Variants in TENM3 observed in about 807,000 individuals in gnomAD.
TENM3 encodes the protein teneurin transmembrane protein 3.
TENM3 carries 63 observed loss-of-function variants against 255.1 expected under a neutral mutation model. That is an observed-to-expected ratio of 0.25 (90% CI 0.20 to 0.30). TENM3 has a LOEUF of 0.30. Ranked by LOEUF, TENM3 falls within the 10% of genes least tolerant of loss-of-function variation. The probability of loss-of-function intolerance (pLI) is 1.00; values close to 1 mark genes in which losing one functional copy is unlikely to be tolerated. For synonymous variants in TENM3, 1,306 were observed against 1,322.3 expected (o/e 0.99, Z 0.27); for missense variants, 2,929 against 3,461.1 (o/e 0.85, Z 3.86).
At chr4:182,232,886 G>A (rs1434385997) in intron 1 of TENM3, among the ~76,000 whole-genome samples, 6 of 152,240 alleles carry the variant, frequency 3.9e-5, no homozygotes, top group African/African-American at 7.2e-5. Flanking sequence ...TTCCTGGCCC[G>A]ATGGAGCAGG....
At chr4:182,770,436 G>A (rs1764103734) in intron 22 of TENM3, among the ~76,000 whole-genome samples, 1 of 152,216 alleles carries the variant, frequency 6.6e-6, no homozygotes, top group East Asian at 1.9e-4. Context: ...CCGGGCCCCT[G>A]CACCCCGACA....
the TENM3 span, among the ~76,000 whole-genome samples, chr4:182,090,401 A>G: frequency 1.3e-5 from 2 of 152,138 alleles, no homozygotes; most frequent in Non-Finnish European, 2.9e-5. Flanking sequence ...AACAAAATGC[A>G]TTTTTTAAAA....
chr4:181,944,657 C>A, the TENM3 span, among the ~76,000 whole-genome samples: 1 of 152,160 alleles, frequency 6.6e-6, no homozygotes, highest in Admixed American at 6.5e-5. Flanking sequence ...AGCCACCGTG[C>A]CCCTCTCCAA....
At chr4:182,032,057 T>C in the TENM3 span, among the ~76,000 whole-genome samples, 1 of 152,192 alleles carries the variant, frequency 6.6e-6, no homozygotes, top group Non-Finnish European at 1.5e-5. Flanking sequence ...TTCTCTTGCC[T>C]GATTGCCCTA....
chr4:181,660,134 T>C, the TENM3 span, among the ~76,000 whole-genome samples: 1 of 152,182 alleles, frequency 6.6e-6, no homozygotes, highest in Non-Finnish European at 1.5e-5. Context: ...TTATCAGCAA[T>C]GAAACGTTCC....
At chr4:182,673,791 G>A (rs1210137324) in intron 7 of TENM3, among the ~76,000 whole-genome samples, 1 of 152,154 alleles carries the variant, frequency 6.6e-6, no homozygotes, top group Non-Finnish European at 1.5e-5. Context: ...TCATGTCAGT[G>A]TGGTACACAA....
At chr4:181,789,595 T>A in the TENM3 span, among the ~76,000 whole-genome samples, 1 of 152,066 alleles carries the variant, frequency 6.6e-6, no homozygotes, top group Non-Finnish European at 1.5e-5. Flanking sequence ...GGACTTAGAC[T>A]GGGCACCCCA....
intron 13 of TENM3, among the ~76,000 whole-genome samples, chr4:182,728,619 T>C (rs1760419640): frequency 6.6e-6 from 1 of 152,220 alleles, no homozygotes; most frequent in African/African-American, 2.4e-5. Context: ...CACAGCCTAC[T>C]GCACTCCTAG....
chr4:182,499,826 C>G (rs2151641831), intron 3 of TENM3, among the ~76,000 whole-genome samples: 1 of 152,298 alleles, frequency 6.6e-6, no homozygotes, highest in South Asian at 2.1e-4. Context: ...ATCTCCACTA[C>G]CCTTCTCCCA....
the TENM3 span, among the ~76,000 whole-genome samples, chr4:181,827,554 T>C: frequency 6.6e-6 from 1 of 152,314 alleles, no homozygotes. Context: ...TGTGCCCTCC[T>C]CTACAAAGAA....
chr4:181,604,062 A>T, the TENM3 span, among the ~76,000 whole-genome samples: 1 of 152,164 alleles, frequency 6.6e-6, no homozygotes. Flanking sequence ...CAAGACATCG[A>T]GACCATCCTG....
At chr4:181,997,138 C>T in the TENM3 span, among the ~76,000 whole-genome samples, 2 of 152,178 alleles carry the variant, frequency 1.3e-5, no homozygotes, top group Admixed American at 6.5e-5. Context: ...CCATATTCTA[C>T]TTTTCAGGTT....
intron 3 of TENM3, among the ~76,000 whole-genome samples, chr4:182,383,019 C>CTG (rs1767676509): frequency 6.6e-6 from 1 of 152,156 alleles, no homozygotes; most frequent in African/African-American, 2.4e-5. Flanking sequence ...TTAAGGAAGA[C>CTG]TATTCAGAAT....
chr4:182,382,771 A>T (rs556579080), intron 3 of TENM3, among the ~76,000 whole-genome samples: 102 of 152,264 alleles, frequency 6.7e-4, no homozygotes, highest in Non-Finnish European at 1.3e-3. Context: ...GTGATCTTTA[A>T]AAACCTCTTT....
chr4:181,919,567 A>G, the TENM3 span, among the ~76,000 whole-genome samples: 1 of 152,062 alleles, frequency 6.6e-6, no homozygotes, highest in African/African-American at 2.4e-5. Context: ...CTGGAACTAC[A>G]GTTTGTTGAA....
chr4:182,342,583 A>G (rs1047767232), intron 2 of TENM3, among the ~76,000 whole-genome samples: 25 of 152,170 alleles, frequency 1.6e-4, no homozygotes, highest in Admixed American at 2.6e-4. Context: ...ATATACTGAA[A>G]ACCATTAAAG....
intron 2 of TENM3, among the ~76,000 whole-genome samples, chr4:182,339,962 GC>G (rs1764382523): frequency 6.6e-6 from 1 of 151,926 alleles, no homozygotes; most frequent in Non-Finnish European, 1.5e-5. Flanking sequence ...GTTTGCTAAA[GC>G]TTTTTTTATG....
At chr4:182,114,271 A>AT in the TENM3 span, among the ~76,000 whole-genome samples, 33 of 133,176 alleles carry the variant, frequency 2.5e-4, no homozygotes, top group African/African-American at 8.3e-4. Flanking sequence ...TAGTCCAAGA[A>AT]TTTTTTGACA....
the TENM3 span, among the ~76,000 whole-genome samples, chr4:181,525,843 G>A: frequency 3.9e-5 from 6 of 152,162 alleles, no homozygotes; most frequent in Non-Finnish European, 5.9e-5. Flanking sequence ...AACTTTGCAC[G>A]CGCTACTTCT....
Sources: gnomAD v4.1 joint callset for allele counts (sites outside exome capture counted in the v4.1 genomes callset) on GRCh38, gnomAD v4.1.1 for gene constraint, MANE v1.5 for transcripts, NCBI Gene and HGNC (gene_info 2026-07-23, HGNC 2026-07-21) for gene names.